The following KIAA0825 variants were observed in gnomAD, a reference collection of about 807,000 sequenced individuals.
KIAA0825 encodes uncharacterized protein KIAA0825.
KIAA0825 carries 119 observed loss-of-function variants against 147.6 expected under a neutral mutation model. The observed-to-expected ratio is 0.81, with a 90% CI of 0.69 to 0.94. The LOEUF (loss-of-function observed/expected upper bound fraction) is 0.94. Among genes scored for constraint, KIAA0825 ranks in the 40% least tolerant of loss-of-function variants. KIAA0825 has a pLI of 0.00. For missense variants in KIAA0825, 1,381 were observed against 1,472.7 expected, an observed-to-expected ratio of 0.94 and a Z score of 1.02; for synonymous variants, 470 against 518.1, an observed-to-expected ratio of 0.91 and a Z score of 1.26.
intron 20 of KIAA0825, among the ~76,000 whole-genome samples, chr5:94,287,089 A>G (rs1463119505): frequency 6.6e-6 from 1 of 152,182 alleles, no homozygotes; most frequent in Non-Finnish European, 1.5e-5. Context: ...TAGGGATAAT[A>G]ATACCTGTAC....
At chr5:94,285,958 G>A (rs951250900) in intron 20 of KIAA0825, among the ~76,000 whole-genome samples, 1 of 152,124 alleles carries the variant, frequency 6.6e-6, no homozygotes, top group African/African-American at 2.4e-5. Flanking sequence ...AACTGCAAAA[G>A]TCACATATCA....
At position 94,227,504 on chromosome 5, in the gene KIAA0825, A is replaced by T. The variant is rs1583912128; in HGVS notation, c.3711-73380T>A. On this transcript the variant is annotated intron_variant, in intron 20 of 20. Transcript: ENST00000682413. Reference sequence around the variant, plus strand: ...ATGGCACATGTATACATATGTAACTAACCTGCACATTGTGCACATGTACCC... The same window carrying T: ...ATGGCACATGTATACATATGTAACTTACCTGCACATTGTGCACATGTACCC... Among the ~76,000 whole-genome samples the T allele has an allele frequency of 2.0e-5, 3 of 152,186 alleles. 1 individual carries two copies. The highest frequency in any genetic ancestry group is 1.3e-4 in the Admixed American group (2 of 15,274).
chr5:94,225,814 C>A (rs535601668), intron 20 of KIAA0825, among the ~76,000 whole-genome samples: 1 of 152,238 alleles, frequency 6.6e-6, no homozygotes, highest in South Asian at 2.1e-4. Context: ...ACATTTCTAA[C>A]AAAAATTGGT....
intron 15 of KIAA0825, among the ~76,000 whole-genome samples, chr5:94,412,360 T>C (rs1040663312): frequency 3.1e-4 from 47 of 152,198 alleles, no homozygotes; most frequent in Admixed American, 2.6e-3. Context: ...TTGGCCAAAA[T>C]GTAAAAAGAT....
At chr5:94,487,895 G>C (rs777542684) in intron 5 of KIAA0825, among the ~76,000 whole-genome samples, 6 of 152,142 alleles carry the variant, frequency 3.9e-5, no homozygotes, top group Admixed American at 6.5e-5. Context: ...TGGAGCTGCA[G>C]TGAGCCAAGA....
intron 20 of KIAA0825, among the ~76,000 whole-genome samples, chr5:94,327,382 C>G (rs29951): frequency 0.2 from 29,852 of 150,632 alleles, 3,451 homozygotes; most frequent in Middle Eastern, 0.26. Context: ...AGATTTTATT[C>G]TTATTCTATA....
At chr5:94,396,764 C>T (rs1750718160) in intron 16 of KIAA0825, among the ~76,000 whole-genome samples, 1 of 151,344 alleles carries the variant, frequency 6.6e-6, no homozygotes, top group African/African-American at 2.4e-5. Context: ...TCTTATCTTT[C>T]AAGACTGCAG....
rs912297651 is a variant in KIAA0825 at position 94,547,873 on chromosome 5, GA to G, written c.-1-10747del. On this transcript the variant is annotated intron_variant, in intron 2 of 20. Coordinates refer to ENST00000682413, the MANE Select transcript of KIAA0825 (RefSeq NM_001145678.3). ...GCAGGATATACCTAAGGTACTGAAG[GA>G]AAAAAAAAACAAAAAAACCTTTTAC... 1.0e-3 allele frequency among the ~76,000 whole-genome samples: 150 copies of G among 143,772 alleles called. 2 individuals are homozygous for G. The highest frequency in any genetic ancestry group is 1.8e-3 in the Non-Finnish European group (120 of 65,378). 94.3% of individuals were successfully genotyped at this position (143,772 alleles called of 152,430 possible).
chr5:94,504,590 G>A (rs1402022008), intron 5 of KIAA0825, among the ~76,000 whole-genome samples: 1 of 152,002 alleles, frequency 6.6e-6, no homozygotes, highest in Admixed American at 6.6e-5. Context: ...TTATCTTAGT[G>A]TGTGTAAATT....
At chr5:94,415,507 A>T (rs969608640) in intron 15 of KIAA0825, 1 of 152,166 alleles carries the variant, frequency 6.6e-6, no homozygotes, top group South Asian at 2.1e-4. Context: ...ACAGAAAAAA[A>T]AAAAGATATT....
chr5:94,305,840 A>C (rs1778695722), intron 20 of KIAA0825, among the ~76,000 whole-genome samples: 2 of 151,964 alleles, frequency 1.3e-5, no homozygotes, highest in Admixed American at 1.3e-4. Flanking sequence ...GGATCTGAAG[A>C]TATCAGGAGA....
At chr5:94,446,684 T>C (rs941021031) in intron 13 of KIAA0825, among the ~76,000 whole-genome samples, 7 of 152,188 alleles carry the variant, frequency 4.6e-5, no homozygotes, top group African/African-American at 1.7e-4. Context: ...TCTGCAGCTA[T>C]TGTAGCCTAT....
chr5:94,268,100 C>G (rs777059818), intron 20 of KIAA0825, among the ~76,000 whole-genome samples: 1 of 151,944 alleles, frequency 6.6e-6, no homozygotes, highest in Non-Finnish European at 1.5e-5. Context: ...CAAGATTATT[C>G]GTTTAAAATT....
rs1005565602 is a variant in KIAA0825 at position 94,473,309 on chromosome 5, G to A, written c.1438C>T (p.Pro480Ser). 2.4e-5 allele frequency: 38 copies of A among 1,551,424 alleles called. No homozygotes were observed. Among genetic ancestry groups the A allele is most frequent in the Admixed American group, 7.8e-5 (4 of 50,974 alleles). ...ATACTTGCTTTTCCAATTTTCTTTG[G>A]TTGTTCCTCCTCAGGAAACATATGG... ...DSHMFPEEEQPKKIGKFCSDI... is the reference protein window; with the variant it reads ...DSHMFPEEEQSKKIGKFCSDI... Residue 480 changes from proline to serine, a missense_variant, in exon 8 of 21, where the codon CCA becomes TCA. Physicochemically the swap from Pro to Ser is moderately conservative, Grantham distance 74. Transcript: ENST00000682413.
At chr5:94,198,318 A>T (rs1312811761) in intron 20 of KIAA0825, among the ~76,000 whole-genome samples, 3 of 152,098 alleles carry the variant, frequency 2.0e-5, no homozygotes, top group African/African-American at 7.2e-5. Flanking sequence ...TGTATCCTGA[A>T]TCTTTACTGA....
intron 18 of KIAA0825, among the ~76,000 whole-genome samples, chr5:94,388,794 C>T (rs1749522649): frequency 6.6e-6 from 1 of 152,202 alleles, no homozygotes; most frequent in Admixed American, 6.5e-5. Context: ...AGATTTACCA[C>T]TAATTGGGCC....
chr5:94,533,336 G>A (rs556003638), intron 3 of KIAA0825, among the ~76,000 whole-genome samples: 3 of 139,570 alleles, frequency 2.1e-5, no homozygotes, highest in Non-Finnish European at 4.6e-5. Context: ...GAGTGCAGTG[G>A]TGTGATCTCG....
chr5:94,548,978 A>G (rs538869327), intron 2 of KIAA0825, among the ~76,000 whole-genome samples: 135 of 152,322 alleles, frequency 8.9e-4, no homozygotes, highest in African/African-American at 3.1e-3. Flanking sequence ...TCAATACAAT[A>G]ATAGCTGGAG....
chr5:94,538,038 A>G (rs1772445171), intron 2 of KIAA0825, among the ~76,000 whole-genome samples: 2 of 152,130 alleles, frequency 1.3e-5, no homozygotes, highest in African/African-American at 4.8e-5. Context: ...CATTCTCTCT[A>G]TATACTGAAT....
Sources: allele counts gnomAD v4.1 joint callset (sites outside exome capture counted in the v4.1 genomes callset), GRCh38; gene constraint gnomAD v4.1.1; transcripts MANE v1.5; gene names NCBI Gene and HGNC (gene_info 2026-07-23, HGNC 2026-07-21).